DELE1: variants seen among roughly 807,000 people sequenced by gnomAD.
DELE1 encodes DAP3 binding cell death enhancer 1.
DELE1 carries 54 observed loss-of-function variants against 59.3 expected under a neutral mutation model. The ratio of observed to expected loss-of-function variants is 0.91; its 90% CI spans 0.73 to 1.14. The LOEUF (loss-of-function observed/expected upper bound fraction) is 1.14. Ranked by LOEUF, DELE1 falls within the 50% of genes most tolerant of loss-of-function variation. DELE1 has a pLI of 0.00. For missense variants in DELE1, 636 were observed against 643.9 expected (o/e 0.99, Z 0.13); for synonymous variants, 264 against 259.1 (o/e 1.02, Z -0.18).
In DELE1 at chr5:141,933,219, C is replaced by G. The variant is rs374339406; in HGVS notation, c.755-40C>G. 128 of 1,475,254 alleles carry G rather than the reference C, an allele frequency of 8.7e-5. No homozygotes were observed. The African/African-American group carries it at 1.6e-3, about 19-fold the overall frequency. 91.4% of individuals were successfully genotyped at this position (1,475,254 alleles called of 1,614,324 possible). On this transcript the variant is annotated intron_variant, in intron 7 of 11. Transcript: ENST00000432126. The stretch of plus-strand genomic sequence containing the variant: ...ACCTGGCTGAGGGTGTGGGGAAGTT[C>G]ACTGAGGAAGCTGTGTTTGTGCCCT...
intron 10 of DELE1, 74 bp downstream of exon 10, chr5:141,934,660 G>T: frequency 7.3e-7 from 1 of 1,373,634 alleles, no homozygotes. Flanking sequence ...CTGGTACTGA[G>T]TTCTTCTGTG....
intron 2 of DELE1, 41 bp downstream of exon 2, chr5:141,924,736 C>T (rs749833344): frequency 8.0e-7 from 1 of 1,248,690 alleles, no homozygotes; most frequent in East Asian, 2.3e-5. Flanking sequence ...CTCCCCTAGT[C>T]ACCCTTTTTT....
Position 141,933,356 on chromosome 5 carries a change from C to T in DELE1, c.852C>T (p.Gly284=). 1 of 1,532,000 alleles carries T rather than the reference C, an allele frequency of 6.5e-7. No homozygotes were observed. Among genetic ancestry groups the T allele is most frequent in the Non-Finnish European group, 8.9e-7 (1 of 1,123,562 alleles). The allele number at this position is 1,532,000 out of a possible 1,614,324, so 94.9% of individuals were successfully genotyped here. The change falls in exon 8 of 12, where the codon GGC becomes GGT. Residue 284 remains glycine (G), a synonymous_variant. Coordinates refer to ENST00000432126, the MANE Select transcript of DELE1 (RefSeq NM_014773.5). ...ACAGCAAAGCGCAGTACAATGCGGG[C>T]TTGTGTCATGAGCATGGCAGAGGCA... ...RGYSKAQYNA[G]LCHEHGRGTP... is the part of the protein sequence containing the mutation.
At chr5:141,924,733 A>C in intron 2 of DELE1, 38 bp downstream of exon 2, 1 of 1,260,404 alleles carries the variant, frequency 7.9e-7, no homozygotes, top group Non-Finnish European at 1.1e-6. Flanking sequence ...TTCCTCCCCT[A>C]GTCACCCTTT....
At chr5:141,925,326 G>A (rs879802404) in intron 2 of DELE1, 84 bp from the exon 3 acceptor site, 2 of 821,070 alleles carry the variant, frequency 2.4e-6, no homozygotes, top group Non-Finnish European at 3.7e-6. Flanking sequence ...CTCCCAAATT[G>A]TTGGGATTAC....
At position 141,938,668 on chromosome 5, in the gene DELE1, A is replaced by T; in HGVS notation, c.1457A>T (p.His486Leu). 6.2e-7 allele frequency: 1 copy of T among 1,614,030 alleles called. No individual in the cohort carries two copies. The highest frequency in any genetic ancestry group is 8.5e-7 in the Non-Finnish European group (1 of 1,180,018). ...CTTGGCCTCCTCTGCAGAAGTGGGCATCTCGGAGCCAGCCTGGAAGCCTCC... is the reference window on the plus strand; with the variant it reads ...CTTGGCCTCCTCTGCAGAAGTGGGCTTCTCGGAGCCAGCCTGGAAGCCTCC... The part of the protein sequence containing the change: ...GNLGLLCRSG[H>L]LGASLEASSR... The change falls in exon 12 of 12, where the codon CAT becomes CTT. Residue 486 changes from histidine (H) to leucine (L), a missense_variant. Transcript: ENST00000432126.
In DELE1 at chr5:141,941,450, G is replaced by A; in HGVS notation, c.*2691G>A. 9.1e-6 allele frequency: 9 copies of A among 985,540 alleles called. No individual in the cohort carries two copies. The highest frequency in any genetic ancestry group is 1.1e-5 in the Non-Finnish European group (9 of 830,000). 61.0% of individuals were successfully genotyped at this position (985,540 alleles called of 1,614,324 possible). A position where few individuals can be genotyped will look rare whatever the true frequency, so the allele number is the denominator to read the frequency against. On this transcript the variant is annotated 3_prime_UTR_variant, in exon 12 of 12. Transcript: ENST00000432126. ...AATCCTTGGCTGTTCAGTCACTGCG[G>A]TCTTGATCCAGCCCCAGGGGGATGG...
At position 141,940,026 on chromosome 5, in the gene DELE1, G is replaced by A; in HGVS notation, c.*1267G>A. On this transcript the variant is annotated 3_prime_UTR_variant, in exon 12 of 12. Transcript: ENST00000432126. ...AAGCATTATGACTGTCCTACCCATG[G>A]GAGAGTAAATGTAGATTGAATGCTA... The A allele has an allele frequency of 1.0e-6, 1 of 985,368 alleles. No homozygotes were observed. Among genetic ancestry groups the A allele is most frequent in the Non-Finnish European group, 1.2e-6 (1 of 829,900 alleles). 61.0% of individuals were successfully genotyped at this position (985,368 alleles called of 1,614,324 possible).
Position 141,923,936 on chromosome 5 carries a change from A to G in DELE1, c.-6A>G, listed in dbSNP as rs921828359. The G allele has an allele frequency of 8.7e-6, 14 of 1,606,624 alleles. No individual in the cohort carries two copies. The African/African-American group carries it at 1.9e-4, about 21-fold the overall frequency. On this transcript the variant is annotated 5_prime_UTR_variant, in exon 1 of 12. Coordinates refer to ENST00000432126, the MANE Select transcript of DELE1 (RefSeq NM_014773.5). ...GCTGCGAGCTCTCTGTGGTGCTGGC[A>G]GCGACATGTGGCGCCTCCCGGGACT...
chr5:141,938,521 C>T lies in DELE1; in HGVS notation c.1310C>T (p.Ala437Val), dbSNP rs778556273. 1.9e-6 allele frequency: 3 copies of T among 1,613,508 alleles called. No homozygotes were observed. The highest frequency in any genetic ancestry group is 2.5e-6 in the Non-Finnish European group (3 of 1,179,660). The change falls in exon 12 of 12, where the codon GCC (alanine) becomes GTC (valine). Residue 437 changes from alanine (A) to valine (V), a missense_variant and splice_region_variant. Coordinates refer to ENST00000432126, the MANE Select transcript of DELE1 (RefSeq NM_014773.5). ...GAGTTGCTCTCACCTCTTCTTGTAG[C>T]CCCGGGGCCCAGCGACCTGACAGTT... is the stretch of plus-strand genomic sequence containing the variant. ...LRALFSMGAAAPGPSDLTVTG... is the reference protein window; with the variant it reads ...LRALFSMGAAVPGPSDLTVTG...
In DELE1 at chr5:141,941,074, C is replaced by A. The variant is rs1471622553; in HGVS notation, c.*2315C>A. 2.0e-6 allele frequency: 2 copies of A among 985,338 alleles called. No individual in the cohort carries two copies. The highest frequency in any genetic ancestry group is 2.4e-6 in the Non-Finnish European group (2 of 829,954). The allele number at this position is 985,338 out of a possible 1,614,324, so 61.0% of individuals were successfully genotyped here. A position where few individuals can be genotyped will look rare whatever the true frequency, so the allele number is the denominator to read the frequency against. ...ATTGCTTTTGAGCCTTCCTGGGGCACCCTCTGCGTGAAATGTCACCGTGTG... is the reference window on the plus strand; with the variant it reads ...ATTGCTTTTGAGCCTTCCTGGGGCAACCTCTGCGTGAAATGTCACCGTGTG... On this transcript the variant is annotated 3_prime_UTR_variant, in exon 12 of 12. Coordinates refer to ENST00000432126, the MANE Select transcript of DELE1 (RefSeq NM_014773.5).
chr5:141,936,900 T>C, intron 10 of DELE1: 1 of 985,296 alleles, frequency 1.0e-6, no homozygotes. Flanking sequence ...CTGGCCTGAG[T>C]GTTTCCTGTA....
chr5:141,938,592 A>C lies in DELE1; in HGVS notation c.1381A>C (p.Thr461Pro). The C allele has an allele frequency of 6.2e-7, 1 of 1,613,920 alleles. No homozygotes were observed. Among genetic ancestry groups the C allele is most frequent in the South Asian group, 1.1e-5 (1 of 91,078 alleles). ...FSSPSLCSLN[T>P]LLAGTSRLPH... is the part of the protein sequence containing the mutation. ...CAGCCCCTCCCTCTGCAGCTTGAACACCCTGCTAGCAGGAACCTCACGCCT... is the reference window on the plus strand; with the variant it reads ...CAGCCCCTCCCTCTGCAGCTTGAACCCCCTGCTAGCAGGAACCTCACGCCT... The change falls in exon 12 of 12, where the codon ACC becomes CCC. Residue 461 changes from threonine to proline, a missense_variant. By Grantham distance (38) the Thr-to-Pro change is conservative. Coordinates refer to ENST00000432126, the MANE Select transcript of DELE1 (RefSeq NM_014773.5).
Position 141,924,664 on chromosome 5 carries a change from A to T in DELE1, c.115A>T (p.Thr39Ser). 6.2e-7 allele frequency: 1 copy of T among 1,613,542 alleles called. No homozygotes were observed. The highest frequency in any genetic ancestry group is 1.3e-5 in the African/African-American group (1 of 74,914). ...AGATGGGCCTCAGACTACCTCCTCC[A>T]CTTTGCTGGTTCCTGTGCCTAACCT... ...SPDGPQTTSS[T>S]LLVPVPNLDR... The change falls in exon 2 of 12, where the codon ACT becomes TCT. Residue 39 changes from threonine to serine, a missense_variant. Transcript: ENST00000432126.
rs1752430509 is a variant in DELE1, at chr5:141,937,244, T to G, written c.1196T>G (p.Leu399Arg). The change falls in exon 11 of 12, where the codon CTT becomes CGT. Residue 399 changes from leucine (L) to arginine (R), a missense_variant. Leu to Arg is a moderately radical substitution (Grantham distance 102, BLOSUM62 -2). Coordinates refer to ENST00000432126, the MANE Select transcript of DELE1 (RefSeq NM_014773.5). ...YHLGICYEKG[L>R]GVQRNLGEAL... ...CTTGGAATTTGCTATGAGAAAGGCC[T>G]TGGTGTGCAGAGGAATCTGGGAGAG... is the stretch of plus-strand genomic sequence containing the variant. 6.2e-7 allele frequency: 1 copy of G among 1,614,198 alleles called. No individual in the cohort carries two copies. The highest frequency in any genetic ancestry group is 8.5e-7 in the Non-Finnish European group (1 of 1,180,038).
intron 10 of DELE1, 179 bp from the exon 11 acceptor site, chr5:141,937,019 G>A (rs2126897192): frequency 6.8e-7 from 1 of 1,481,222 alleles, no homozygotes; most frequent in Middle Eastern, 2.5e-4. Flanking sequence ...TGTTGGGTGA[G>A]CTCTGAGCCT....
Position 141,928,262 on chromosome 5 carries a change from C to G in DELE1, c.376C>G (p.Arg126Gly), listed in dbSNP as rs140704916. ...EHCSWHSPLD[R>G]FFSSPLWHPC... ...CTGCTCCTGGCACAGTCCCCTGGAC[C>G]GTTTCTTCTCATCTCCCTTGTGGCA... Residue 126 changes from arginine (R) to glycine (G), a missense_variant, in exon 4 of 12, where the codon CGT becomes GGT. By Grantham distance (125) the Arg-to-Gly change is moderately radical. Transcript: ENST00000432126. 2 of 1,614,192 alleles carry G rather than the reference C, an allele frequency of 1.2e-6. No homozygotes were observed. Among genetic ancestry groups the G allele is most frequent in the African/African-American group, 1.3e-5 (1 of 75,072 alleles).
In DELE1 at chr5:141,929,564, C is replaced by A. The variant is rs201973012; in HGVS notation, c.413-18C>A. 166 of 1,611,550 alleles carry A rather than the reference C, an allele frequency of 1.0e-4. No individual in the cohort carries two copies. The highest frequency in any genetic ancestry group is 1.9e-4 in the Middle Eastern group (1 of 5,344). On this transcript the variant is annotated intron_variant, in intron 4 of 11. Transcript: ENST00000432126. The stretch of plus-strand genomic sequence containing the variant: ...CGCGCCTGGCCCAGACCTGACTACT[C>A]TTGCTGGCTCTTTCCAGCACTGCGA...
rs779788807 is a variant in DELE1 at position 141,938,525 on chromosome 5, G to T, written c.1314G>T (p.Pro438=). ...TGCTCTCACCTCTTCTTGTAGCCCC[G>T]GGGCCCAGCGACCTGACAGTTACAG... is the stretch of plus-strand genomic sequence containing the variant. ...RALFSMGAAA[P]GPSDLTVTGL... Residue 438 remains proline (P), a synonymous_variant, in exon 12 of 12, where the codon CCG becomes CCT. Coordinates refer to ENST00000432126, the MANE Select transcript of DELE1 (RefSeq NM_014773.5). 2 of 1,613,494 alleles carry T rather than the reference G, an allele frequency of 1.2e-6. No individual in the cohort carries two copies. The highest frequency in any genetic ancestry group is 1.7e-6 in the Non-Finnish European group (2 of 1,179,786).
Sources: gnomAD v4.1 joint callset for allele counts on GRCh38, gnomAD v4.1.1 for gene constraint, MANE v1.5 for transcripts, NCBI Gene and HGNC (gene_info 2026-07-23, HGNC 2026-07-21) for gene names.